CPNE8: variants seen among roughly 807,000 people sequenced by gnomAD.
The protein encoded by CPNE8 is copine 8, also known as copine-8.
Under a neutral mutation model 81.5 loss-of-function variants are expected in CPNE8, and 45 were observed. The observed-to-expected ratio is 0.55, with a 90% CI of 0.44 to 0.71. CPNE8 has a LOEUF of 0.71. CPNE8 is among the 30% of genes least tolerant of loss of function. The pLI is 0.00. For missense variants in CPNE8, 594 were observed against 672.1 expected (o/e 0.88, Z 1.28); for synonymous variants, 252 against 226.3 (o/e 1.11, Z -1.02).
chr12:38,698,833 C>T (rs1296819043), intron 14 of CPNE8, among the ~76,000 whole-genome samples: 1 of 152,210 alleles, frequency 6.6e-6, no homozygotes. Context: ...AATGTTGACT[C>T]TTCCTACTTC....
intron 6 of CPNE8, among the ~76,000 whole-genome samples, chr12:38,818,477 T>G (rs1458478474): frequency 2.0e-5 from 3 of 152,222 alleles, no homozygotes; most frequent in Non-Finnish European, 2.9e-5. Context: ...CTTTTTTATG[T>G]CTGCACAGTA....
At chr12:38,705,973 A>G (rs757942912) in intron 13 of CPNE8, among the ~76,000 whole-genome samples, 6 of 152,144 alleles carry the variant, frequency 3.9e-5, no homozygotes, top group Non-Finnish European at 7.4e-5. Flanking sequence ...ATGTGATGTT[A>G]CATGGCTTGT....
At chr12:38,723,533 C>A (rs1940619053) in intron 13 of CPNE8, among the ~76,000 whole-genome samples, 1 of 152,110 alleles carries the variant, frequency 6.6e-6, no homozygotes, top group South Asian at 2.1e-4. Context: ...AACATAATAG[C>A]CATATCTACA....
At chr12:38,676,325 A>G in intron 17 of CPNE8, 1 of 984,690 alleles carries the variant, frequency 1.0e-6, no homozygotes, top group Non-Finnish European at 1.2e-6. Flanking sequence ...GGAAATGACC[A>G]GCCCTGGGTA....
intron 19 of CPNE8, among the ~76,000 whole-genome samples, chr12:38,670,048 T>G (rs1324365251): frequency 6.6e-6 from 1 of 152,216 alleles, no homozygotes; most frequent in Admixed American, 6.5e-5. Context: ...TTTGAAAACC[T>G]GTTGACTGTC....
At chr12:38,691,300 AC>A (rs1939670520) in intron 15 of CPNE8, among the ~76,000 whole-genome samples, 2 of 152,268 alleles carry the variant, frequency 1.3e-5, no homozygotes, top group South Asian at 2.1e-4. Flanking sequence ...TCCTGGGTGC[AC>A]TTTTCTCACC....
At chr12:38,791,294 T>A (rs1942316723) in intron 6 of CPNE8, among the ~76,000 whole-genome samples, 1 of 151,622 alleles carries the variant, frequency 6.6e-6, no homozygotes, top group African/African-American at 2.4e-5. Flanking sequence ...TCATCTCAGG[T>A]ATTTCTTCTT....
chr12:38,668,249 A>G (rs1195565317), intron 19 of CPNE8, among the ~76,000 whole-genome samples: 1 of 152,246 alleles, frequency 6.6e-6, no homozygotes. Flanking sequence ...TGGAGTCTAC[A>G]GATAATGAAA....
intron 7 of CPNE8, among the ~76,000 whole-genome samples, chr12:38,772,140 GTTCAC>G (rs1171985225): frequency 6.6e-6 from 1 of 152,128 alleles, no homozygotes; most frequent in Non-Finnish European, 1.5e-5. Flanking sequence ...GTGTCCCTAT[GTTCAC>G]AAATGTCTGC....
chr12:38,737,643 TTC>T (rs907544317), intron 10 of CPNE8, among the ~76,000 whole-genome samples: 5 of 152,174 alleles, frequency 3.3e-5, no homozygotes, highest in African/African-American at 4.8e-5. Context: ...CCTTTGTTTT[TTC>T]TCTGTCAGCC....
chr12:38,798,837 T>A (rs193157060), intron 6 of CPNE8, among the ~76,000 whole-genome samples: 17 of 151,678 alleles, frequency 1.1e-4, no homozygotes, highest in Non-Finnish European at 1.9e-4. Context: ...AGGCTCAAAA[T>A]AAAAGGATGG....
chr12:38,739,610 C>G (rs1255000967), intron 10 of CPNE8, among the ~76,000 whole-genome samples: 2 of 152,106 alleles, frequency 1.3e-5, no homozygotes. Flanking sequence ...GACTTTGGGT[C>G]ACTTAGTAGG....
chr12:38,737,205 T>C (rs1940976213), intron 10 of CPNE8, among the ~76,000 whole-genome samples: 1 of 151,890 alleles, frequency 6.6e-6, no homozygotes, highest in South Asian at 2.1e-4. Flanking sequence ...TATTCAATGC[T>C]GAACAAAGAC....
Position 38,737,439 on chromosome 12 carries a change from A to G in CPNE8, c.723-7081T>C, listed in dbSNP as rs139097883. 5.3e-3 allele frequency among the ~76,000 whole-genome samples: 807 copies of G among 152,276 alleles called. 9 individuals carry two copies. Among genetic ancestry groups the G allele is most frequent in the African/African-American group, 0.019 (776 of 41,582 alleles). On this transcript the variant is annotated intron_variant, in intron 10 of 19. Coordinates refer to ENST00000331366, the MANE Select transcript of CPNE8 (RefSeq NM_153634.3). The stretch of plus-strand genomic sequence containing the variant: ...AAATTTTACTTTAACTATATAGCAC[A>G]GTAGTTCAAAAAATTTTACTTTATG...
Position 38,653,641 on chromosome 12 carries a change from TAGAG to T in CPNE8, c.*237_*240del. The T allele has an allele frequency of 6.3e-6, 1 of 159,866 alleles. No individual in the cohort carries two copies. The highest frequency in any genetic ancestry group is 1.3e-5 in the Non-Finnish European group (1 of 74,440). 9.9% of individuals were successfully genotyped at this position (159,866 alleles called of 1,614,324 possible). On this transcript the variant is annotated 3_prime_UTR_variant, in exon 20 of 20. Coordinates refer to ENST00000331366, the MANE Select transcript of CPNE8 (RefSeq NM_153634.3). ...TTAAAAAAAAAAAGAAAGAAAGATT[TAGAG>T]AAGACATCCATACTTTGCTTCAAGC...
chr12:38,759,501 A>C (rs1378743882), intron 10 of CPNE8, among the ~76,000 whole-genome samples: 1 of 152,250 alleles, frequency 6.6e-6, no homozygotes, highest in Non-Finnish European at 1.5e-5. Flanking sequence ...TAAATAATAC[A>C]TTAACCAAAT....
At chr12:38,860,279 T>G (rs1020689977) in intron 3 of CPNE8, among the ~76,000 whole-genome samples, 4 of 149,034 alleles carry the variant, frequency 2.7e-5, no homozygotes, top group African/African-American at 9.9e-5. Flanking sequence ...GATACACAAA[T>G]GGTCAACAGG....
intron 1 of CPNE8, among the ~76,000 whole-genome samples, chr12:38,886,724 A>C (rs1944242491): frequency 6.6e-6 from 1 of 152,190 alleles, no homozygotes; most frequent in South Asian, 2.1e-4. Flanking sequence ...GGTAAAATGA[A>C]AAATGAATCC....
chr12:38,779,798 C>A (rs1017903031), intron 6 of CPNE8, among the ~76,000 whole-genome samples: 6 of 151,756 alleles, frequency 4.0e-5, no homozygotes, highest in Non-Finnish European at 8.8e-5. Context: ...CAACAGGTTG[C>A]AGAATCAAAC....
Sources: allele counts gnomAD v4.1 joint callset (sites outside exome capture counted in the v4.1 genomes callset), GRCh38; gene constraint gnomAD v4.1.1; transcripts MANE v1.5; gene names NCBI Gene and HGNC (gene_info 2026-07-23, HGNC 2026-07-21).